Variants in CHST9 observed in about 807,000 individuals in gnomAD.
CHST9 encodes the protein carbohydrate sulfotransferase 9, also known as GalNAc-4-sulfotransferase 2.
A neutral mutation model predicts 44.4 loss-of-function variants in CHST9; 41 were observed. That is an observed-to-expected ratio of 0.92 (90% CI 0.72 to 1.20). The LOEUF (loss-of-function observed/expected upper bound fraction) is 1.20, where lower values mean the gene tolerates loss of function less well. CHST9 is among the 50% of genes most tolerant of loss of function. The probability of loss-of-function intolerance (pLI) is 0.00; values close to 1 mark genes in which losing one functional copy is unlikely to be tolerated. For synonymous variants in CHST9, 171 were observed against 178.4 expected (o/e 0.96, Z 0.33); for missense variants, 504 against 516.5 (o/e 0.98, Z 0.23).
At chr18:26,958,922 A>G (rs568093391) in intron 4 of CHST9, among the ~76,000 whole-genome samples, 38 of 152,342 alleles carry the variant, frequency 2.5e-4, no homozygotes, top group African/African-American at 9.1e-4. Context: ...ATTTCTCAAA[A>G]AACTTAAAAT....
intron 4 of CHST9, among the ~76,000 whole-genome samples, chr18:26,962,541 T>C (rs1273209310): frequency 6.6e-6 from 1 of 152,186 alleles, no homozygotes; most frequent in Non-Finnish European, 1.5e-5. Flanking sequence ...TCCACCCACC[T>C]CAGCTTCCCA....
chr18:26,963,541 C>T (rs889853377), intron 4 of CHST9, among the ~76,000 whole-genome samples: 3 of 148,966 alleles, frequency 2.0e-5, no homozygotes, highest in Admixed American at 6.7e-5. Context: ...TGCTGGGCAG[C>T]GCAGATTCCA....
At chr18:27,145,697 C>T (rs1330014979) in intron 1 of CHST9, among the ~76,000 whole-genome samples, 4 of 152,016 alleles carry the variant, frequency 2.6e-5, no homozygotes, top group Non-Finnish European at 4.4e-5. Context: ...GTAGAAGAGC[C>T]GAGAGTATTA....
intron 1 of CHST9, among the ~76,000 whole-genome samples, chr18:27,162,111 T>C (rs2058752204): frequency 6.6e-6 from 1 of 152,164 alleles, no homozygotes; most frequent in Admixed American, 6.5e-5. Flanking sequence ...CATTTACATT[T>C]AAGATTAATA....
chr18:27,166,425 T>C (rs2058791143), intron 1 of CHST9, among the ~76,000 whole-genome samples: 1 of 152,200 alleles, frequency 6.6e-6, no homozygotes, highest in Non-Finnish European at 1.5e-5. Flanking sequence ...TCTTTTTTTG[T>C]CTCTGGACAC....
chr18:27,132,800 G>A (rs2058482980), intron 2 of CHST9, among the ~76,000 whole-genome samples: 1 of 152,172 alleles, frequency 6.6e-6, no homozygotes, highest in Non-Finnish European at 1.5e-5. Context: ...AATAGTGTTA[G>A]GTCTGGGAGT....
chr18:27,053,194 GA>G (rs1452862871), intron 2 of CHST9, among the ~76,000 whole-genome samples: 129 of 121,322 alleles, frequency 1.1e-3, no homozygotes, highest in Middle Eastern at 4.3e-3. Context: ...AGAAGAAGAA[GA>G]AAGAACAAGA....
chr18:27,017,615 G>A (rs758526587), intron 4 of CHST9, among the ~76,000 whole-genome samples: 19 of 152,142 alleles, frequency 1.2e-4, no homozygotes. Context: ...AAGAAGGGTA[G>A]GGAGGTAGGT....
chr18:27,044,502 CAT>C lies in CHST9; in HGVS notation c.160+3961_160+3962del, dbSNP rs1282904342. On this transcript the variant is annotated intron_variant, in intron 3 of 5. Transcript: ENST00000618847. ...AATGATTCTCAAAGTGAGAATGAAA[CAT>C]GTAGATATTGCAAAATACCAATGTC... Among the ~76,000 whole-genome samples, 4 of 152,034 alleles carry C rather than the reference CAT, an allele frequency of 2.6e-5. No homozygotes were observed. The East Asian group carries it at 5.8e-4, about 22-fold the overall frequency.
At chr18:26,928,901 T>C (rs1034240639) in intron 5 of CHST9, among the ~76,000 whole-genome samples, 3 of 152,156 alleles carry the variant, frequency 2.0e-5, no homozygotes, top group African/African-American at 4.8e-5. Flanking sequence ...TGAATAAATA[T>C]GGGAAGGCAC....
chr18:27,114,571 C>T (rs1033740497), intron 2 of CHST9, among the ~76,000 whole-genome samples: 8 of 152,170 alleles, frequency 5.3e-5, no homozygotes, highest in African/African-American at 1.9e-4. Flanking sequence ...TATTTCAAAA[C>T]ACTTATCAAT....
chr18:27,016,786 C>G (rs1260025127), intron 4 of CHST9, among the ~76,000 whole-genome samples: 1 of 152,036 alleles, frequency 6.6e-6, no homozygotes, highest in Non-Finnish European at 1.5e-5. Context: ...TCTATGATGA[C>G]AGATATAGTA....
chr18:26,952,476 T>C, intron 4 of CHST9: 1 of 446,552 alleles, frequency 2.2e-6, no homozygotes. Context: ...CATTTGGGGC[T>C]CTGACAATTG....
chr18:27,088,510 T>G (rs915107629), intron 2 of CHST9, among the ~76,000 whole-genome samples: 1 of 151,708 alleles, frequency 6.6e-6, no homozygotes, highest in Non-Finnish European at 1.5e-5. Context: ...TTCTCCTGCC[T>G]CAGCCTCCCC....
chr18:27,019,557 A>C (rs897886642), intron 4 of CHST9, among the ~76,000 whole-genome samples: 1 of 152,092 alleles, frequency 6.6e-6, no homozygotes, highest in Admixed American at 6.6e-5. Flanking sequence ...AGTCAGAGTC[A>C]GAAGAGTCAA....
intron 5 of CHST9, among the ~76,000 whole-genome samples, chr18:26,919,128 T>C (rs1462501142): frequency 6.6e-6 from 1 of 152,090 alleles, no homozygotes; most frequent in Non-Finnish European, 1.5e-5. Flanking sequence ...CCCACCCCCA[T>C]GATTCAATTA....
chr18:27,099,069 C>T (rs892192883), intron 2 of CHST9, among the ~76,000 whole-genome samples: 2 of 151,912 alleles, frequency 1.3e-5, no homozygotes, highest in African/African-American at 2.4e-5. Context: ...TTGACAAAGT[C>T]GACAAAAATA....
intron 1 of CHST9, among the ~76,000 whole-genome samples, chr18:27,160,646 CCT>C (rs1402136241): frequency 6.6e-6 from 1 of 152,114 alleles, no homozygotes; most frequent in Non-Finnish European, 1.5e-5. Flanking sequence ...GGGAGGATTC[CCT>C]CTTTTTCTAT....
At chr18:27,162,953 T>C (rs2058759932) in intron 1 of CHST9, among the ~76,000 whole-genome samples, 1 of 152,142 alleles carries the variant, frequency 6.6e-6, no homozygotes, top group African/African-American at 2.4e-5. Context: ...TTATCTACCT[T>C]TGGTCTTTGA....
Sources: gnomAD v4.1 joint callset for allele counts (sites outside exome capture counted in the v4.1 genomes callset) on GRCh38, gnomAD v4.1.1 for gene constraint, MANE v1.5 for transcripts, NCBI Gene and HGNC (gene_info 2026-07-23, HGNC 2026-07-21) for gene names.